Variants in NMNAT3 observed in about 807,000 individuals in gnomAD.
The protein encoded by NMNAT3 is nicotinamide/nicotinic acid mononucleotide adenylyltransferase 3.
Under a neutral mutation model 24.8 loss-of-function variants are expected in NMNAT3, and 21 were observed. The observed-to-expected ratio is 0.85, with a 90% confidence interval of 0.60 to 1.22. The LOEUF is 1.22. Among genes scored for constraint, NMNAT3 ranks in the 50% most tolerant of loss-of-function variants. The pLI, the probability that NMNAT3 is intolerant of heterozygous loss-of-function variation, is 0.00. For missense variants in NMNAT3, 387 were observed against 436.6 expected (o/e 0.89, Z 1.01); for synonymous variants, 136 against 155.2 (o/e 0.88, Z 0.92).
intron 6 of NMNAT3, 65 bp from the exon 7 acceptor site, chr3:139,561,457 T>C (rs1400607552): frequency 1.3e-5 from 19 of 1,475,376 alleles, no homozygotes; most frequent in East Asian, 4.7e-5. Flanking sequence ...GACAACATCA[T>C]TGGAAAGTCT....
chr3:139,564,732 C>G (rs1173196350), intron 6 of NMNAT3, among the ~76,000 whole-genome samples: 1 of 152,206 alleles, frequency 6.6e-6, no homozygotes, highest in African/African-American at 2.4e-5. Context: ...ACAAAATGGT[C>G]CTTTAGAAAT....
At chr3:139,612,761 G>T (rs1049662356) in intron 3 of NMNAT3, among the ~76,000 whole-genome samples, 1 of 152,150 alleles carries the variant, frequency 6.6e-6, no homozygotes, top group African/African-American at 2.4e-5. Flanking sequence ...TTCCAAAACA[G>T]CATGGTACTG....
At position 139,594,537 on chromosome 3, in the gene NMNAT3, G is replaced by T. The variant is rs571931931; in HGVS notation, c.110-11329C>A. ...AAGAGAATTTTAGACCAGTATCCTT[G>T]ATGAACATTGATGCAAAAATCCTCA... On this transcript the variant is annotated intron_variant, in intron 3 of 6. Coordinates refer to ENST00000643695, the MANE Select transcript of NMNAT3 (RefSeq NM_001320510.2). Among the ~76,000 whole-genome samples, 786 of 152,310 alleles carry T rather than the reference G, an allele frequency of 5.2e-3. 12 individuals are homozygous for T. The highest frequency in any genetic ancestry group is 0.018 in the African/African-American group (730 of 41,554).
intron 1 of NMNAT3, among the ~76,000 whole-genome samples, chr3:139,647,197 A>G (rs1273371753): frequency 6.6e-6 from 1 of 152,232 alleles, no homozygotes; most frequent in South Asian, 2.1e-4. Context: ...CATGCAATTC[A>G]TGCCACACAG....
chr3:139,627,988 G>A (rs1319146895), intron 2 of NMNAT3, among the ~76,000 whole-genome samples: 2 of 152,194 alleles, frequency 1.3e-5, no homozygotes, highest in Non-Finnish European at 2.9e-5. Context: ...ACCCTGAGTG[G>A]TTACTCATAC....
At chr3:139,618,744 G>C (rs893564670) in intron 3 of NMNAT3, among the ~76,000 whole-genome samples, 4 of 152,202 alleles carry the variant, frequency 2.6e-5, no homozygotes, top group African/African-American at 9.6e-5. Context: ...TAAAGGCACT[G>C]TTTAAATTAT....
intron 5 of NMNAT3, among the ~76,000 whole-genome samples, chr3:139,575,249 A>C (rs1939120350): frequency 6.6e-6 from 1 of 152,112 alleles, no homozygotes; most frequent in African/African-American, 2.4e-5. Context: ...CATCTCAGAG[A>C]CTCAGCAGAG....
chr3:139,614,783 T>A (rs2055407699), intron 3 of NMNAT3, among the ~76,000 whole-genome samples: 1 of 152,256 alleles, frequency 6.6e-6, no homozygotes, highest in South Asian at 2.1e-4. Flanking sequence ...AAAGATATTT[T>A]TTCCTGTGGA....
At chr3:139,591,148 C>A (rs1300045712) in intron 3 of NMNAT3, among the ~76,000 whole-genome samples, 1 of 151,058 alleles carries the variant, frequency 6.6e-6, no homozygotes, top group Admixed American at 6.6e-5. Flanking sequence ...GAGGCATTGC[C>A]TCACCTGGGA....
At chr3:139,618,757 G>C (rs140893947) in intron 3 of NMNAT3, among the ~76,000 whole-genome samples, 30 of 152,324 alleles carry the variant, frequency 2.0e-4, no homozygotes, top group African/African-American at 6.5e-4. Context: ...TAAATTATCT[G>C]TCCTTGGAAA....
At chr3:139,605,177 G>A (rs928740867) in intron 3 of NMNAT3, among the ~76,000 whole-genome samples, 6 of 152,130 alleles carry the variant, frequency 3.9e-5, no homozygotes, top group African/African-American at 1.4e-4. Context: ...GTCTGAGGGC[G>A]GCACAAAGGG....
intron 1 of NMNAT3, among the ~76,000 whole-genome samples, chr3:139,672,305 A>AG (rs1162586301): frequency 6.6e-6 from 1 of 152,202 alleles, no homozygotes; most frequent in East Asian, 1.9e-4. Context: ...TACTGATGGA[A>AG]GGGGGAAGGC....
At chr3:139,661,490 A>T (rs1164864838) in intron 1 of NMNAT3, among the ~76,000 whole-genome samples, 1 of 152,184 alleles carries the variant, frequency 6.6e-6, no homozygotes, top group Non-Finnish European at 1.5e-5. Flanking sequence ...ATAACACAGC[A>T]AGACCTATCT....
In NMNAT3 at chr3:139,560,982, G is replaced by A. The variant is rs757296968; in HGVS notation, c.*28C>T. On this transcript the variant is annotated 3_prime_UTR_variant, in exon 7 of 7. Coordinates refer to ENST00000643695, the MANE Select transcript of NMNAT3 (RefSeq NM_001320510.2). The stretch of plus-strand genomic sequence containing the variant: ...CTCTCCCCAGCAGGAGCTTGTTGGA[G>A]GAGGTGTGGGTGCTGAGTCCCCCCT... 6.3e-7 allele frequency: 1 copy of A among 1,588,780 alleles called. No homozygotes were observed. The highest frequency in any genetic ancestry group is 8.6e-7 in the Non-Finnish European group (1 of 1,164,862).
intron 5 of NMNAT3, among the ~76,000 whole-genome samples, chr3:139,578,660 T>C (rs534207498): frequency 1.3e-5 from 2 of 152,326 alleles, no homozygotes; most frequent in Admixed American, 6.5e-5. Context: ...CATTTGAAAG[T>C]ACAGTGTTTT....
At chr3:139,647,031 A>G (rs1473368123) in intron 1 of NMNAT3, among the ~76,000 whole-genome samples, 1 of 152,246 alleles carries the variant, frequency 6.6e-6, no homozygotes, top group African/African-American at 2.4e-5. Context: ...TAAAAAATGT[A>G]TGGCATGGGT....
At chr3:139,645,733 A>G (rs1158061031) in intron 1 of NMNAT3, among the ~76,000 whole-genome samples, 1 of 152,196 alleles carries the variant, frequency 6.6e-6, no homozygotes, top group Non-Finnish European at 1.5e-5. Flanking sequence ...AAACTATCAC[A>G]AGGAAAACTG....
At chr3:139,561,469 A>C in intron 6 of NMNAT3, 77 bp from the exon 7 acceptor site, 168 of 1,371,724 alleles carry the variant, frequency 1.2e-4, no homozygotes, top group Middle Eastern at 1.9e-4. Context: ...GGAAAGTCTC[A>C]CAAAATGCTT....
At chr3:139,592,963 A>T (rs1361616148) in intron 3 of NMNAT3, among the ~76,000 whole-genome samples, 1 of 152,222 alleles carries the variant, frequency 6.6e-6, no homozygotes, top group Non-Finnish European at 1.5e-5. Context: ...AAATTCACAC[A>T]TAACAATATT....
Sources: allele counts gnomAD v4.1 joint callset (sites outside exome capture counted in the v4.1 genomes callset), GRCh38; gene constraint gnomAD v4.1.1; transcripts MANE v1.5; gene names NCBI Gene and HGNC (gene_info 2026-07-23, HGNC 2026-07-21).